The following PRSS56 variants were observed in gnomAD, a reference collection of about 807,000 sequenced individuals.
The protein encoded by PRSS56 is protease, serine 56.
In PRSS56, 55 loss-of-function variants were observed where a neutral mutation model predicts 66.8. That is an observed-to-expected ratio of 0.82 (90% CI 0.66 to 1.03). The LOEUF is 1.03. PRSS56 is among the 50% of genes least tolerant of loss of function. PRSS56 has a pLI of 0.00. For missense variants in PRSS56, 869 were observed against 837.2 expected (o/e 1.04, Z -0.47); for synonymous variants, 409 against 387.9 (o/e 1.05, Z -0.64).
chr2:232,524,756 C>G lies in PRSS56; in HGVS notation c.1433C>G (p.Pro478Arg). 1 of 1,528,520 alleles carries G rather than the reference C, an allele frequency of 6.5e-7. No individual in the cohort carries two copies. The highest frequency in any genetic ancestry group is 2.5e-5 in the East Asian group (1 of 40,580). The allele number at this position is 1,528,520 out of a possible 1,614,324, so 94.7% of individuals were successfully genotyped here. A position where few individuals can be genotyped will look rare whatever the true frequency, so the allele number is the denominator to read the frequency against. ...CCTCCAGGCTGCCCTGGGCTGGAGC[C>G]CCTGCGACAGAAGTTGGCTGCCCTG... ...GEANGCPGLE[P>R]LRQKLAALQG... The change falls in exon 12 of 13, where the codon CCC becomes CGC. Residue 478 changes from proline (P) to arginine (R), a missense_variant. Transcript: ENST00000617714.
rs1691308937 is a variant in PRSS56, at chr2:232,522,712, GGACCTTCCACAAC to G, written c.563_575del (p.Phe188TrpfsTer10). On this transcript the variant is annotated frameshift_variant, in exon 6 of 13. Transcript: ENST00000617714. LOFTEE classifies it high-confidence loss of function. ...CCTCCCCCTCCTCAGTTTGACCCGC[GGACCTTCCACAAC>G]GACCTGGCCCTGGTGCAGCTGTGGA... is the stretch of plus-strand genomic sequence containing the variant. 1 of 1,534,098 alleles carries G rather than the reference GGACCTTCCACAAC, an allele frequency of 6.5e-7. No homozygotes were observed. The highest frequency in any genetic ancestry group is 1.2e-5 in the South Asian group (1 of 83,872).
At position 232,523,403 on chromosome 2, in the gene PRSS56, C is replaced by T; in HGVS notation, c.850-13C>T. On this transcript the variant is annotated splice_polypyrimidine_tract_variant and intron_variant, in intron 7 of 12. Transcript: ENST00000617714. ...GGCAGGTGAATGCAGCGTCCTCTCT[C>T]TTGGCCCCGCAGGGTGACTCGGGAG... 7.0e-7 allele frequency: 1 copy of T among 1,438,498 alleles called. No individual in the cohort carries two copies. The allele number at this position is 1,438,498 out of a possible 1,614,324, so 89.1% of individuals were successfully genotyped here. A position where few individuals can be genotyped will look rare whatever the true frequency, so the allele number is the denominator to read the frequency against.
At chr2:232,521,213 G>A (rs1490059083) in intron 1 of PRSS56, 108 bp from the exon 2 acceptor site, 2 of 837,650 alleles carry the variant, frequency 2.4e-6, no homozygotes, top group African/African-American at 1.7e-5. Flanking sequence ...TCCTCATTCT[G>A]TCCCAGGCTG....
At chr2:232,525,124 T>C in intron 12 of PRSS56, 92 bp from the exon 13 acceptor site, 1 of 1,280,900 alleles carries the variant, frequency 7.8e-7, no homozygotes, top group Non-Finnish European at 1.0e-6. Context: ...TAGGTGAGAG[T>C]TTCTGGGGCC....
Position 232,524,087 on chromosome 2 carries a change from A to G in PRSS56, c.1235A>G (p.Gln412Arg). The change falls in exon 10 of 13, where the codon CAG becomes CGG. Residue 412 changes from glutamine (Q) to arginine (R), a missense_variant. This residue lies in a region of PRSS56 where 551 missense variants were observed against 506.9 expected (regional missense o/e 1.09). Coordinates refer to ENST00000617714, the MANE Select transcript of PRSS56 (RefSeq NM_001195129.2). ...HTLLGLLRNA[Q>R]ELLGPRPGLR... is the part of the protein sequence containing the mutation. ...CTGCTGGGCCTGCTGCGGAACGCGC[A>G]GGAGCTGCTCGGGCCTCGTCCGGGA... 1 of 1,523,566 alleles carries G rather than the reference A, an allele frequency of 6.6e-7. No individual in the cohort carries two copies. The highest frequency in any genetic ancestry group is 1.2e-5 in the South Asian group (1 of 82,964). 94.4% of individuals were successfully genotyped at this position (1,523,566 alleles called of 1,614,324 possible).
rs774771063 is a variant in PRSS56 at position 232,524,787 on chromosome 2, G to A, written c.1464G>A (p.Gly488=). The A allele has an allele frequency of 1.9e-5, 29 of 1,534,166 alleles. No homozygotes were observed. The African/African-American group carries it at 4.0e-4, about 21-fold the overall frequency. ...PLRQKLAALQ[G]AHAWILQVPS... is the part of the protein sequence containing the mutation. ...GACAGAAGTTGGCTGCCCTGCAGGG[G>A]GCCCATGCCTGGATCCTGCAGGTCC... Residue 488 remains glycine (G), a synonymous_variant, in exon 12 of 13, where the codon GGG becomes GGA. Transcript: ENST00000617714.
At chr2:232,522,456 A>G (rs1691302105) in intron 4 of PRSS56, 59 bp from the exon 5 acceptor site, 1 of 1,392,678 alleles carries the variant, frequency 7.2e-7, no homozygotes, top group African/African-American at 1.5e-5. Context: ...AGGGTCTCCG[A>G]GGGGCCTGCG....
chr2:232,524,407 G>C (rs1408471379), intron 11 of PRSS56, 38 bp downstream of exon 11: 1 of 1,525,622 alleles, frequency 6.6e-7, no homozygotes, highest in South Asian at 1.2e-5. Flanking sequence ...GAGGGGATAG[G>C]CTGAGGGCCT....
chr2:232,525,487 C>T lies in PRSS56; in HGVS notation c.1793C>T (p.Pro598Leu), dbSNP rs1464660940. ...KGHHPLNPQV[P>L]PARQP is the part of the protein sequence containing the mutation. The stretch of plus-strand genomic sequence containing the variant: ...CACCACCCACTCAACCCTCAGGTAC[C>T]CCCCGCCAGGCAACCCTGAGCCATG... Residue 598 changes from proline (P) to leucine (L), a missense_variant, in exon 13 of 13, where the codon CCC (proline) becomes CTC (leucine). Transcript: ENST00000617714. 2.4e-5 allele frequency: 36 copies of T among 1,497,342 alleles called. No individual in the cohort carries two copies. The highest frequency in any genetic ancestry group is 2.7e-5 in the Non-Finnish European group (30 of 1,122,434). The allele number at this position is 1,497,342 out of a possible 1,614,324, so 92.8% of individuals were successfully genotyped here.
chr2:232,523,788 G>A lies in PRSS56; in HGVS notation c.1029G>A (p.Glu343=), dbSNP rs2106202082. Residue 343 remains glutamate, a synonymous_variant, in exon 9 of 13, where the codon GAG becomes GAA. Transcript: ENST00000617714. ...QEQMSASSSR[E]PSCRELLAWD... ...CCGCAGCAGCCTCCTCCAGCCGCGA[G>A]CCCAGCTGCAGGGAGCTTCTGGCCT... 6.5e-7 allele frequency: 1 copy of A among 1,534,016 alleles called. No homozygotes were observed. The highest frequency in any genetic ancestry group is 8.7e-7 in the Non-Finnish European group (1 of 1,146,696).
rs188667834 is a variant in PRSS56 at position 232,523,274 on chromosome 2, C to A, written c.849+72C>A. The A allele has an allele frequency of 2.8e-5, 40 of 1,421,950 alleles. No individual in the cohort carries two copies. The African/African-American group carries it at 5.4e-4, about 19-fold the overall frequency. The allele number at this position is 1,421,950 out of a possible 1,614,324, so 88.1% of individuals were successfully genotyped here. A position where few individuals can be genotyped will look rare whatever the true frequency, so the allele number is the denominator to read the frequency against. ...GCCACTACGGCCTCTTTTCCTTCCA[C>A]GTCTGTCTGTCACTCGACTTCTCTG... is the stretch of plus-strand genomic sequence containing the variant. On this transcript the variant is annotated intron_variant, in intron 7 of 12. Transcript: ENST00000617714.
rs1188436989 is a variant in PRSS56 at position 232,522,577 on chromosome 2, A to G, written c.509A>G (p.Glu170Gly). The change falls in exon 5 of 13, where the codon GAG becomes GGG. Residue 170 changes from glutamate (E) to glycine (G), a missense_variant. Glu to Gly is a moderately conservative substitution (Grantham distance 98). Transcript: ENST00000617714. Reference sequence around the variant, plus strand: ...GAGGGGTCCCGGGGGGAGCAAGCGGAGGAGGTGCCAGTGAACCGCATCCTG... The same window carrying G: ...GAGGGGTCCCGGGGGGAGCAAGCGGGGGAGGTGCCAGTGAACCGCATCCTG... ...LAEGSRGEQA[E>G]EVPVNRILPH... 7 of 1,534,896 alleles carry G rather than the reference A, an allele frequency of 4.6e-6. No individual in the cohort carries two copies. Among genetic ancestry groups the G allele is most frequent in the Non-Finnish European group, 6.1e-6 (7 of 1,146,404 alleles).
intron 11 of PRSS56, 108 bp downstream of exon 11, chr2:232,524,477 A>G (rs915632798): frequency 9.2e-7 from 1 of 1,084,952 alleles, no homozygotes. Flanking sequence ...ATGGGGCAAC[A>G]GGGTGGACTC....
Position 232,522,683 on chromosome 2 carries a change from G to T in PRSS56, c.547-19G>T. 1 of 1,533,148 alleles carries T rather than the reference G, an allele frequency of 6.5e-7. No homozygotes were observed. The highest frequency in any genetic ancestry group is 8.7e-7 in the Non-Finnish European group (1 of 1,145,330). The allele number at this position is 1,533,148 out of a possible 1,614,324, so 95.0% of individuals were successfully genotyped here. On this transcript the variant is annotated intron_variant, in intron 5 of 12. Coordinates refer to ENST00000617714, the MANE Select transcript of PRSS56 (RefSeq NM_001195129.2). Reference sequence around the variant, plus strand: ...CCCACCCGTGCTTCCTTGACCCTGCGCCGCCTCCCCCTCCTCAGTTTGACC... The same window carrying T: ...CCCACCCGTGCTTCCTTGACCCTGCTCCGCCTCCCCCTCCTCAGTTTGACC...
Position 232,524,162 on chromosome 2 carries a change from A to G in PRSS56, c.1310A>G (p.Glu437Gly). ...GCTCTCCCCGCTCCAGCGCTCAGGG[A>G]GTCTCCTCTGCACCCCGCCCGGGAG... is the stretch of plus-strand genomic sequence containing the variant. The part of the protein sequence containing the change: ...ALALPAPALR[E>G]SPLHPARELR... The change falls in exon 10 of 13, where the codon GAG becomes GGG. Residue 437 changes from glutamate to glycine, a missense_variant. Transcript: ENST00000617714. 6.6e-7 allele frequency: 1 copy of G among 1,522,004 alleles called. No homozygotes were observed. Among genetic ancestry groups the G allele is most frequent in the South Asian group, 1.2e-5 (1 of 82,556 alleles). The allele number at this position is 1,522,004 out of a possible 1,614,324, so 94.3% of individuals were successfully genotyped here. A position where few individuals can be genotyped will look rare whatever the true frequency, so the allele number is the denominator to read the frequency against.
At position 232,524,175 on chromosome 2, in the gene PRSS56, C is replaced by G; in HGVS notation, c.1323C>G (p.His441Gln). The G allele has an allele frequency of 6.5e-7, 1 of 1,528,618 alleles. No homozygotes were observed. The highest frequency in any genetic ancestry group is 1.2e-5 in the South Asian group (1 of 83,338). 94.7% of individuals were successfully genotyped at this position (1,528,618 alleles called of 1,614,324 possible). A position where few individuals can be genotyped will look rare whatever the true frequency, so the allele number is the denominator to read the frequency against. The stretch of plus-strand genomic sequence containing the variant: ...CAGCGCTCAGGGAGTCTCCTCTGCA[C>G]CCCGCCCGGGAGCTGCGGCTTCACT... ...PAPALRESPL[H>Q]PARELRLHSG... Residue 441 changes from histidine (H) to glutamine (Q), a missense_variant, in exon 10 of 13, where the codon CAC (histidine) becomes CAG (glutamine). Physicochemically the swap from His to Gln is conservative, Grantham distance 24. Transcript: ENST00000617714.
In PRSS56 at chr2:232,521,799, G is replaced by C; in HGVS notation, c.206-17G>C. The C allele has an allele frequency of 2.0e-6, 3 of 1,535,754 alleles. No individual in the cohort carries two copies. The highest frequency in any genetic ancestry group is 2.6e-6 in the Non-Finnish European group (3 of 1,146,666). On this transcript the variant is annotated splice_polypyrimidine_tract_variant and intron_variant, in intron 2 of 12. Coordinates refer to ENST00000617714, the MANE Select transcript of PRSS56 (RefSeq NM_001195129.2). ...CGAGAGGGCAGCAGTGAGACTCAAA[G>C]GTCTGTTTCTCTGCAGGATCTGGGC...
At chr2:232,524,445 A>T (rs2106202940) in intron 11 of PRSS56, 76 bp downstream of exon 11, 1 of 1,398,146 alleles carries the variant, frequency 7.2e-7, no homozygotes, top group African/African-American at 1.4e-5. Context: ...CTTCTACTGC[A>T]GCTCCGGAAA....
intron 4 of PRSS56, 112 bp downstream of exon 4, chr2:232,522,272 G>T: frequency 9.3e-7 from 1 of 1,073,654 alleles, no homozygotes; most frequent in Non-Finnish European, 1.2e-6. Context: ...CTGCCCCCTG[G>T]CGGCGGCCGG....
Sources: allele counts gnomAD v4.1 joint callset, GRCh38; gene constraint gnomAD v4.1.1; regional missense constraint gnomAD v4.1.1; transcripts MANE v1.5; gene names NCBI Gene and HGNC (gene_info 2026-07-23, HGNC 2026-07-21).